The following GLYATL1 variants were observed in gnomAD, a reference collection of about 807,000 sequenced individuals.
The protein encoded by GLYATL1 is glycine N-acyltransferase-like protein 1.
A neutral mutation model predicts 20.0 loss-of-function variants in GLYATL1; 15 were observed. That is an observed-to-expected ratio of 0.75 (90% confidence interval 0.50 to 1.15). The LOEUF (loss-of-function observed/expected upper bound fraction) is 1.15. Among genes scored for constraint, GLYATL1 ranks in the 50% most tolerant of loss-of-function variants. The probability of loss-of-function intolerance (pLI) is 0.00; values close to 1 mark genes in which losing one functional copy is unlikely to be tolerated. For missense variants in GLYATL1, 380 were observed against 368.5 expected, an observed-to-expected ratio of 1.03 and a Z score of -0.26; for synonymous variants, 151 against 131.5, an observed-to-expected ratio of 1.15 and a Z score of -1.01.
chr11:58,913,339 T>C (rs1240268359), downstream of GLYATL1, among the ~76,000 whole-genome samples: 1 of 151,150 alleles, frequency 6.6e-6, no homozygotes, highest in South Asian at 2.1e-4. Flanking sequence ...GTGAAGGAAA[T>C]GAAAGATGGA....
At chr11:58,913,449 C>G (rs958856554), downstream of GLYATL1, among the ~76,000 whole-genome samples, 2 of 152,152 alleles carry the variant, frequency 1.3e-5, no homozygotes, top group Non-Finnish European at 2.9e-5. Context: ...AGGAACTTTG[C>G]CTTTTTCTTC....
At chr11:58,944,471 C>A (rs560766046) in intron 2 of GLYATL1, among the ~76,000 whole-genome samples, 2 of 152,110 alleles carry the variant, frequency 1.3e-5, no homozygotes, top group East Asian at 3.9e-4. Flanking sequence ...TTTCATAATT[C>A]TCATATTTAA....
chr11:58,910,170 A>T (rs983950988), downstream of GLYATL1, among the ~76,000 whole-genome samples: 3 of 152,182 alleles, frequency 2.0e-5, no homozygotes, highest in African/African-American at 7.2e-5. Flanking sequence ...GCTCCTAAAA[A>T]GTGGGAGAGG....
intron 3 of GLYATL1, 193 bp from the exon 4 acceptor site, chr11:58,947,665 G>C: frequency 1.7e-6 from 1 of 578,624 alleles, no homozygotes; most frequent in Admixed American, 3.0e-5. Flanking sequence ...AGTCCTACCT[G>C]TGAGTTCTGC....
chr11:58,947,807 C>T (rs1856682915), intron 3 of GLYATL1, 51 bp from the exon 4 acceptor site: 6 of 1,242,626 alleles, frequency 4.8e-6, no homozygotes, highest in Non-Finnish European at 5.9e-6. Context: ...CAACCAGATC[C>T]TCATCTCTGG....
At chr11:58,937,132 C>G, upstream of GLYATL1, among the ~76,000 whole-genome samples, 1 of 152,170 alleles carries the variant, frequency 6.6e-6, no homozygotes, top group East Asian at 1.9e-4. Flanking sequence ...TGCCACCAGC[C>G]ACCAGTCAGT....
chr11:58,943,118 C>A, intron 1 of GLYATL1: 1 of 703,960 alleles, frequency 1.4e-6, no homozygotes, highest in Non-Finnish European at 2.1e-6. Flanking sequence ...ACTGTTGAAA[C>A]AAACTAATTA....
chr11:58,943,865 C>T (rs1432657962), intron 2 of GLYATL1, among the ~76,000 whole-genome samples, 199 bp downstream of exon 2: 1 of 152,152 alleles, frequency 6.6e-6, no homozygotes. Flanking sequence ...CAGAAAGGAA[C>T]TGGTAGTAAG....
At chr11:58,921,195 G>C (rs1029161818) in intron 1 of GLYATL1, among the ~76,000 whole-genome samples, 53 of 152,180 alleles carry the variant, frequency 3.5e-4, no homozygotes, top group African/African-American at 1.3e-3. Flanking sequence ...CTGCTCCTAG[G>C]AACTGTCTTA....
At chr11:58,952,947 T>C (rs1033901304) in intron 4 of GLYATL1, among the ~76,000 whole-genome samples, 1 of 152,068 alleles carries the variant, frequency 6.6e-6, no homozygotes, top group Non-Finnish European at 1.5e-5. Flanking sequence ...CAAAAGAAAA[T>C]GAATCATTCT....
intron 1 of GLYATL1, among the ~76,000 whole-genome samples, chr11:58,942,745 C>A (rs1856254943): frequency 6.6e-6 from 1 of 152,102 alleles, no homozygotes; most frequent in African/African-American, 2.4e-5. Context: ...ATGTATTAGT[C>A]ATTGGCAGGT....
At chr11:58,910,097 T>G (rs1482590527), downstream of GLYATL1, among the ~76,000 whole-genome samples, 1 of 152,146 alleles carries the variant, frequency 6.6e-6, no homozygotes, top group Non-Finnish European at 1.5e-5. Context: ...CACAAAACCC[T>G]GTGACTGAGA....
intron 6 of GLYATL1, 46 bp downstream of exon 6, chr11:58,955,399 A>G (rs1857325756): frequency 6.5e-7 from 1 of 1,532,200 alleles, no homozygotes; most frequent in Non-Finnish European, 8.9e-7. Flanking sequence ...TTCCTTGTAC[A>G]TTTTTGTAAT....
intron 4 of GLYATL1, among the ~76,000 whole-genome samples, chr11:58,949,905 A>G (rs1271517443): frequency 6.6e-6 from 1 of 151,942 alleles, no homozygotes; most frequent in African/African-American, 2.4e-5. Flanking sequence ...TGATTATACA[A>G]GTAAAAAAAT....
intron 2 of GLYATL1, among the ~76,000 whole-genome samples, chr11:58,945,735 T>A (rs1473383354): frequency 6.7e-6 from 1 of 149,010 alleles, no homozygotes; most frequent in African/African-American, 2.5e-5. Flanking sequence ...AAAAAGACCA[T>A]TTTTTTTTTG....
At chr11:58,954,976 G>C (rs181011157) in intron 5 of GLYATL1, 80 bp downstream of exon 5, 1 of 1,424,276 alleles carries the variant, frequency 7.0e-7, no homozygotes, top group South Asian at 1.3e-5. Context: ...ATCACCTGAG[G>C]GCTCATTAGA....
intron 5 of GLYATL1, 108 bp downstream of exon 5, chr11:58,955,004 ACT>A: frequency 3.0e-6 from 4 of 1,314,314 alleles, no homozygotes; most frequent in Non-Finnish European, 4.2e-6. Context: ...ATTCACAGAA[ACT>A]CTGGGGACTG....
At chr11:58,920,379 T>C (rs1590770439) in intron 1 of GLYATL1, among the ~76,000 whole-genome samples, 1 of 152,294 alleles carries the variant, frequency 6.6e-6, no homozygotes, top group African/African-American at 2.4e-5. Flanking sequence ...ATTTTGCTAG[T>C]CAGAGAACTC....
chr11:58,955,083 GA>G, intron 5 of GLYATL1, 92 bp from the exon 6 acceptor site: 1 of 1,315,306 alleles, frequency 7.6e-7, no homozygotes, highest in Non-Finnish European at 1.1e-6. Flanking sequence ...TCAAGTTTGA[GA>G]ACTACTAAGC....
Sources: allele counts gnomAD v4.1 joint callset (sites outside exome capture counted in the v4.1 genomes callset), GRCh38; gene constraint gnomAD v4.1.1; transcripts MANE v1.5; gene names NCBI Gene and HGNC (gene_info 2026-07-23, HGNC 2026-07-21).